Variants in TUBGCP4 observed in about 807,000 individuals in gnomAD.
TUBGCP4 encodes gamma-tubulin complex component 4.
In TUBGCP4, 54 loss-of-function variants were observed where a neutral mutation model predicts 91.6. The ratio of observed to expected loss-of-function variants is 0.59; its 90% CI spans 0.47 to 0.74. TUBGCP4 has a LOEUF of 0.74. Among genes scored for constraint, TUBGCP4 ranks in the 30% least tolerant of loss-of-function variants. The probability of loss-of-function intolerance (pLI) is 0.00; values close to 1 mark genes in which losing one functional copy is unlikely to be tolerated. For missense variants in TUBGCP4, 593 were observed against 800.9 expected, an observed-to-expected ratio of 0.74 and a Z score of 3.13; for synonymous variants, 297 against 302.8, an observed-to-expected ratio of 0.98 and a Z score of 0.20.
chr15:43,395,053 CAGG>C (rs2044558463), intron 9 of TUBGCP4, 51 bp from the exon 10 acceptor site: 1 of 1,579,926 alleles, frequency 6.3e-7, no homozygotes. Flanking sequence ...CCATTCTTTG[CAGG>C]AGTTCTCACT....
chr15:43,397,097 G>A, intron 11 of TUBGCP4, 117 bp from the exon 12 acceptor site: 1 of 739,882 alleles, frequency 1.4e-6, no homozygotes, highest in African/African-American at 1.7e-5. Flanking sequence ...TGAAACAGAT[G>A]TCCACTGTGT....
At chr15:43,384,838 A>G (rs1363838823) in intron 7 of TUBGCP4, among the ~76,000 whole-genome samples, 1 of 152,222 alleles carries the variant, frequency 6.6e-6, no homozygotes, top group Non-Finnish European at 1.5e-5. Context: ...GATTAGAGGC[A>G]GGTCGATCAG....
At chr15:43,385,292 C>T in intron 7 of TUBGCP4, 1 of 453,376 alleles carries the variant, frequency 2.2e-6, no homozygotes, top group Non-Finnish European at 4.4e-6. Flanking sequence ...GTACATTTGT[C>T]TGGAAGATCC....
rs1055041761 is a variant in TUBGCP4 at position 43,404,845 on chromosome 15, T to C, written c.1988+293T>C. ...GGGCCTTCCACTCCCAATTCTGATA[T>C]GAACTAGCTGTGCAGCCGTGGGCAC... is the stretch of plus-strand genomic sequence containing the variant. On this transcript the variant is annotated intron_variant, in intron 17 of 17. Transcript: ENST00000564079. 6.9e-5 allele frequency: 33 copies of C among 478,770 alleles called. No individual in the cohort carries two copies. In the Admixed American group the frequency reaches 1.1e-3, roughly 17 times the overall value. 29.7% of individuals were successfully genotyped at this position (478,770 alleles called of 1,614,324 possible). A position where few individuals can be genotyped will look rare whatever the true frequency, so the allele number is the denominator to read the frequency against.
intron 3 of TUBGCP4, 90 bp downstream of exon 3, chr15:43,376,715 G>A: frequency 6.4e-7 from 1 of 1,565,610 alleles, no homozygotes; most frequent in Non-Finnish European, 8.7e-7. Flanking sequence ...AGATCAGGTA[G>A]TTAAGAGTGA....
chr15:43,401,564 A>G, intron 14 of TUBGCP4, 152 bp from the exon 15 acceptor site: 1 of 773,890 alleles, frequency 1.3e-6, no homozygotes, highest in South Asian at 1.8e-5. Context: ...AGGCTGGGCA[A>G]TATAAGGGTG....
chr15:43,393,364 C>T (rs921140309), intron 9 of TUBGCP4, among the ~76,000 whole-genome samples: 9 of 151,984 alleles, frequency 5.9e-5, no homozygotes, highest in African/African-American at 2.2e-4. Flanking sequence ...CACCCGCCAC[C>T]ACGCCCAGCC....
chr15:43,379,249 G>C (rs945056486), intron 5 of TUBGCP4, among the ~76,000 whole-genome samples: 3 of 152,210 alleles, frequency 2.0e-5, no homozygotes, highest in African/African-American at 7.2e-5. Flanking sequence ...CTGGATTGTG[G>C]TAATGGTTGC....
At chr15:43,375,444 T>C (rs1288382823) in intron 1 of TUBGCP4, among the ~76,000 whole-genome samples, 1 of 152,230 alleles carries the variant, frequency 6.6e-6, no homozygotes, top group East Asian at 1.9e-4. Flanking sequence ...AAAAAGTTGG[T>C]TGAAGGAATA....
chr15:43,403,381 A>G (rs912991820), intron 15 of TUBGCP4: 11 of 226,000 alleles, frequency 4.9e-5, no homozygotes, highest in African/African-American at 2.5e-4. Context: ...CAACACTCAC[A>G]GCTCAGAGGC....
chr15:43,407,700 G>T lies in TUBGCP4; in HGVS notation c.*2486G>T. On this transcript the variant is annotated 3_prime_UTR_variant, in exon 18 of 18. Coordinates refer to ENST00000564079, the MANE Select transcript of TUBGCP4 (RefSeq NM_014444.5). ...AAAGCCCTATTATGTCAAACACACT[G>T]CTACTGATCATGACCAAAGGCAGAG... The T allele has an allele frequency of 2.2e-6, 2 of 912,444 alleles. No individual in the cohort carries two copies. The highest frequency in any genetic ancestry group is 3.3e-6 in the Non-Finnish European group (2 of 611,270). The allele number at this position is 912,444 out of a possible 1,614,324, so 56.5% of individuals were successfully genotyped here.
At chr15:43,394,148 A>G (rs943765074) in intron 9 of TUBGCP4, 3 of 148,634 alleles carry the variant, frequency 2.0e-5, no homozygotes, top group African/African-American at 5.0e-5. Context: ...CAGTGGTGCA[A>G]TCTCGGCTCA....
At chr15:43,390,892 A>T (rs946825740) in intron 9 of TUBGCP4, among the ~76,000 whole-genome samples, 1 of 152,002 alleles carries the variant, frequency 6.6e-6, no homozygotes, top group African/African-American at 2.4e-5. Flanking sequence ...ATGATGAGTC[A>T]CTGCAGCGCG....
chr15:43,401,885 C>G (rs1183616885), intron 15 of TUBGCP4, 35 bp downstream of exon 15: 2 of 1,611,468 alleles, frequency 1.2e-6, no homozygotes, highest in Non-Finnish European at 1.7e-6. Context: ...CAGACTGCTT[C>G]TACCACTGAC....
rs1189783977 is a variant in TUBGCP4 at position 43,394,890 on chromosome 15, G to A, written c.1015-217G>A. 3.6e-5 allele frequency: 20 copies of A among 556,764 alleles called. No individual in the cohort carries two copies. In the East Asian group the frequency reaches 6.0e-4, roughly 17 times the overall value. 34.5% of individuals were successfully genotyped at this position (556,764 alleles called of 1,614,324 possible). ...TCCTGTGCAGCCTGCAGAACTGTGA[G>A]CAACTCAACCTCTTTTCTTCATTAA... On this transcript the variant is annotated intron_variant, in intron 9 of 17. Transcript: ENST00000564079.
At position 43,376,179 on chromosome 15, in the gene TUBGCP4, C is replaced by G. The variant is rs542122190; in HGVS notation, c.160C>G (p.Arg54Gly). ...CTGCCGGCTCGGCACAGACTATATT[C>G]GCTTCACTGAGTTCATTGAACAGTA... ...RLCRLGTDYI[R>G]FTEFIEQYTG... is the part of the protein sequence containing the mutation. Residue 54 changes from arginine to glycine, a missense_variant, in exon 2 of 18, where the codon CGC becomes GGC. Arg to Gly is a moderately radical substitution (Grantham distance 125). Coordinates refer to ENST00000564079, the MANE Select transcript of TUBGCP4 (RefSeq NM_014444.5). 6.2e-7 allele frequency: 1 copy of G among 1,614,118 alleles called. No individual in the cohort carries two copies. Among genetic ancestry groups the G allele is most frequent in the South Asian group, 1.1e-5 (1 of 91,068 alleles).
chr15:43,407,599 GAAA>G lies in TUBGCP4; in HGVS notation c.*2386_*2388del, dbSNP rs771351538. The G allele has an allele frequency of 2.6e-5, 41 of 1,591,250 alleles. No homozygotes were observed. The highest frequency in any genetic ancestry group is 3.5e-5 in the Non-Finnish European group (41 of 1,164,960). ...CAAGGAGCAAGGGAAAGTGAAGAAG[GAAA>G]GGACACTCAACTTAGCCCTCCATTA... On this transcript the variant is annotated 3_prime_UTR_variant, in exon 18 of 18. Transcript: ENST00000564079.
intron 1 of TUBGCP4, among the ~76,000 whole-genome samples, chr15:43,374,787 A>G (rs1279469334): frequency 6.6e-6 from 1 of 152,232 alleles, no homozygotes; most frequent in Non-Finnish European, 1.5e-5. Context: ...CGAATAGGTA[A>G]TTGAGATGTG....
At chr15:43,376,390 A>G in intron 2 of TUBGCP4, 113 bp from the exon 3 acceptor site, 1 of 1,603,694 alleles carries the variant, frequency 6.2e-7, no homozygotes. Flanking sequence ...AAGTGAAGGC[A>G]AGGCCTCTAA....
Sources: allele counts gnomAD v4.1 joint callset (sites outside exome capture counted in the v4.1 genomes callset), GRCh38; gene constraint gnomAD v4.1.1; transcripts MANE v1.5; gene names NCBI Gene and HGNC (gene_info 2026-07-23, HGNC 2026-07-21).